Variants in DNAH14 observed in about 807,000 individuals in gnomAD.
DNAH14 encodes the protein dynein axonemal heavy chain 14.
Under a neutral mutation model 520.9 loss-of-function variants are expected in DNAH14, and 478 were observed. That is an observed-to-expected ratio of 0.92 (90% confidence interval 0.85 to 0.99). The LOEUF (loss-of-function observed/expected upper bound fraction) is 0.99. Ranked by LOEUF, DNAH14 falls within the 50% of genes least tolerant of loss-of-function variation. DNAH14 has a pLI of 0.00. For missense variants in DNAH14, 4,831 were observed against 5,234.5 expected (o/e 0.92, Z 2.38); for synonymous variants, 1,581 against 1,757.2 (o/e 0.90, Z 2.51).
rs183180940 is a variant in DNAH14 at position 224,937,357 on chromosome 1, T to C, written c.-34+7522T>C. The stretch of plus-strand genomic sequence containing the variant: ...GAACTGATAAATGAATTCAGTAAAG[T>C]TGCAAGTTACAAAATCAACATACGA... On this transcript the variant is annotated intron_variant, in intron 1 of 85. Coordinates refer to ENST00000682510, the MANE Select transcript of DNAH14 (RefSeq NM_001367479.1). Among the ~76,000 whole-genome samples the C allele has an allele frequency of 2.0e-5, 3 of 152,092 alleles. No individual in the cohort carries two copies. The East Asian group carries it at 5.8e-4, about 29-fold the overall frequency.
chr1:224,972,575 C>G (rs1424990940), intron 7 of DNAH14, among the ~76,000 whole-genome samples: 1 of 151,972 alleles, frequency 6.6e-6, no homozygotes, highest in African/African-American at 2.4e-5. Flanking sequence ...ACACGATTCT[C>G]CTGCCTCAGC....
At chr1:225,184,788 A>G (rs943719153) in intron 36 of DNAH14, among the ~76,000 whole-genome samples, 9 of 152,198 alleles carry the variant, frequency 5.9e-5, no homozygotes, top group African/African-American at 1.7e-4. Flanking sequence ...AGAAAGAAAA[A>G]TAAAGAAAGA....
chr1:224,965,532 A>G (rs1019001508), intron 5 of DNAH14, among the ~76,000 whole-genome samples: 9 of 152,084 alleles, frequency 5.9e-5, no homozygotes, highest in African/African-American at 1.9e-4. Context: ...ATATAAATGG[A>G]TGTGACCGTG....
intron 12 of DNAH14, among the ~76,000 whole-genome samples, 185 bp from the exon 13 acceptor site, chr1:225,042,648 CAA>C (rs2067588058): frequency 1.3e-5 from 2 of 152,188 alleles, no homozygotes; most frequent in Non-Finnish European, 2.9e-5. Context: ...TCCTTCATTA[CAA>C]TGTCATTTGT....
intron 7 of DNAH14, 195 bp downstream of exon 7, chr1:224,969,069 A>G: frequency 2.3e-6 from 1 of 438,564 alleles, no homozygotes; most frequent in Non-Finnish European, 4.1e-6. Context: ...GGCATTTAAG[A>G]AGCATTTTTC....
intron 36 of DNAH14, among the ~76,000 whole-genome samples, chr1:225,173,559 G>A (rs1390955755): frequency 6.6e-6 from 1 of 152,178 alleles, no homozygotes; most frequent in African/African-American, 2.4e-5. Flanking sequence ...ACCACAATGA[G>A]ATACCATTTC....
At chr1:225,058,573 CT>C (rs1165153276) in intron 17 of DNAH14, among the ~76,000 whole-genome samples, 1 of 152,136 alleles carries the variant, frequency 6.6e-6, no homozygotes, top group African/African-American at 2.4e-5. Context: ...CTTCTGAAAG[CT>C]TTTGAATGTG....
chr1:225,286,364 A>G (rs919533972), intron 54 of DNAH14, among the ~76,000 whole-genome samples: 1 of 152,172 alleles, frequency 6.6e-6, no homozygotes, highest in African/African-American at 2.4e-5. Flanking sequence ...CTCCAATTTG[A>G]TTATTATACA....
chr1:225,070,076 A>C (rs964393414), intron 17 of DNAH14, among the ~76,000 whole-genome samples: 3 of 151,964 alleles, frequency 2.0e-5, no homozygotes, highest in Non-Finnish European at 4.4e-5. Context: ...TTCTGATTGC[A>C]TTTATTTGAA....
intron 41 of DNAH14, among the ~76,000 whole-genome samples, chr1:225,209,883 G>C (rs911514110): frequency 5.3e-5 from 8 of 152,122 alleles, no homozygotes; most frequent in Non-Finnish European, 1.0e-4. Flanking sequence ...CACCTCACAA[G>C]GGAAGTACAA....
At chr1:225,045,858 G>A (rs758714446) in intron 15 of DNAH14, among the ~76,000 whole-genome samples, 17 of 152,024 alleles carry the variant, frequency 1.1e-4, no homozygotes, top group Non-Finnish European at 2.5e-4. Context: ...GAGATTTTGA[G>A]ATTATACAGA....
chr1:224,968,270 T>G (rs1204853626), intron 6 of DNAH14, among the ~76,000 whole-genome samples: 1 of 152,108 alleles, frequency 6.6e-6, no homozygotes, highest in Non-Finnish European at 1.5e-5. Flanking sequence ...GAATAAATTT[T>G]TTTATGTGGT....
At position 225,190,854 on chromosome 1, in the gene DNAH14, GT is replaced by G. The variant is rs1573866760; in HGVS notation, c.5671-1840del. ...AAGAGAAAATAAATTTGTTGTTTAA[GT>G]TACCCAGACTGTGGTATTTTGTTGT... On this transcript the variant is annotated intron_variant, in intron 37 of 85. Coordinates refer to ENST00000682510, the MANE Select transcript of DNAH14 (RefSeq NM_001367479.1). 3.9e-5 allele frequency among the ~76,000 whole-genome samples: 6 copies of G among 151,962 alleles called. No homozygotes were observed. In the East Asian group the frequency reaches 1.2e-3, roughly 29 times the overall value.
chr1:225,104,414 A>G (rs2075824872), intron 23 of DNAH14, among the ~76,000 whole-genome samples: 1 of 152,198 alleles, frequency 6.6e-6, no homozygotes, highest in Non-Finnish European at 1.5e-5. Flanking sequence ...TGAGTTAGGG[A>G]GGATTCCCTC....
At chr1:225,027,049 C>T (rs947372806) in intron 11 of DNAH14, among the ~76,000 whole-genome samples, 4 of 151,556 alleles carry the variant, frequency 2.6e-5, no homozygotes, top group East Asian at 1.9e-4. Context: ...TTTTATTTTT[C>T]GGTTGTTCAT....
At chr1:225,376,127 T>C (rs1009398537) in intron 78 of DNAH14, among the ~76,000 whole-genome samples, 1 of 151,766 alleles carries the variant, frequency 6.6e-6, no homozygotes, top group Non-Finnish European at 1.5e-5. Context: ...AACATTTTAG[T>C]TAAATTTAGG....
chr1:224,931,365 G>A (rs1487208678), intron 1 of DNAH14, among the ~76,000 whole-genome samples: 1 of 152,074 alleles, frequency 6.6e-6, no homozygotes. Context: ...ATATTTAAAT[G>A]TTTTTATTTG....
chr1:225,358,589 A>G lies in DNAH14; in HGVS notation c.11713A>G (p.Asn3905Asp), dbSNP rs190452224. The change falls in exon 74 of 86, where the codon AAT becomes GAT. Residue 3905 changes from asparagine (N) to aspartate (D), a missense_variant. Coordinates refer to ENST00000682510, the MANE Select transcript of DNAH14 (RefSeq NM_001367479.1). The stretch of plus-strand genomic sequence containing the variant: ...TAAGTATCTTCAAAGAACTGGAGTT[A>G]ATTTGAAAGATGCATATAAAGGATC... ...GNKYLQRTGV[N>D]LKDAYKGSNA... is the part of the protein sequence containing the mutation. The G allele has an allele frequency of 6.5e-7, 1 of 1,549,430 alleles. No individual in the cohort carries two copies. Among genetic ancestry groups the G allele is most frequent in the East Asian group, 2.4e-5 (1 of 40,844 alleles).
At chr1:225,171,921 A>C (rs2082721892) in intron 36 of DNAH14, among the ~76,000 whole-genome samples, 1 of 152,198 alleles carries the variant, frequency 6.6e-6, no homozygotes, top group Non-Finnish European at 1.5e-5. Flanking sequence ...CTCCACTATG[A>C]TCAAGTGGGC....
Sources: gnomAD v4.1 joint callset for allele counts (sites outside exome capture counted in the v4.1 genomes callset) on GRCh38, gnomAD v4.1.1 for gene constraint, MANE v1.5 for transcripts, NCBI Gene and HGNC (gene_info 2026-07-23, HGNC 2026-07-21) for gene names.